Variants in SMCHD1 observed in about 807,000 individuals in gnomAD.
The protein encoded by SMCHD1 is structural maintenance of chromosomes flexible hinge domain-containing protein 1.
Under a neutral mutation model 254.7 loss-of-function variants are expected in SMCHD1, and 78 were observed. The observed-to-expected ratio is 0.31, with a 90% CI of 0.26 to 0.37. The LOEUF is 0.37. Ranked by LOEUF, SMCHD1 falls within the 10% of genes least tolerant of loss-of-function variation. SMCHD1 has a pLI of 1.00. For synonymous variants in SMCHD1, 766 were observed against 794.9 expected (o/e 0.96, Z 0.61); for missense variants, 1,840 against 2,408.1 (o/e 0.76, Z 4.94).
At chr18:2,717,953 C>A (rs2074839344) in intron 17 of SMCHD1, among the ~76,000 whole-genome samples, 1 of 151,660 alleles carries the variant, frequency 6.6e-6, no homozygotes, top group East Asian at 1.9e-4. Flanking sequence ...GTTTATAAGA[C>A]TTGAAATAAA....
rs375251871 is a variant in SMCHD1 at position 2,728,521 on chromosome 18, T to C, written c.2838T>C (p.Ala946=). The C allele has an allele frequency of 5.7e-5, 92 of 1,613,180 alleles. No homozygotes were observed. The African/African-American group carries it at 1.1e-3, about 19-fold the overall frequency. The change falls in exon 23 of 48, where the codon GCT becomes GCC. Residue 946 remains alanine (A), a synonymous_variant. Coordinates refer to ENST00000320876, the MANE Select transcript of SMCHD1 (RefSeq NM_015295.3). ...TTTTAGTTATAGAAAATGGAACAGCTTTCCCATTTCAGGTGGAAGTTTTAG... is the reference window on the plus strand; with the variant it reads ...TTTTAGTTATAGAAAATGGAACAGCCTTCCCATTTCAGGTGGAAGTTTTAG... ...SEILVIENGT[A]FPFQVEVLDE...
chr18:2,796,948 T>C (rs1405447734), intron 47 of SMCHD1: 1 of 152,546 alleles, frequency 6.6e-6, no homozygotes. Flanking sequence ...AGAATTAATA[T>C]TTTAAATTAA....
intron 37 of SMCHD1, among the ~76,000 whole-genome samples, chr18:2,766,010 T>TTTTTTTTTTCTTTTTTTTTG (rs58532877): frequency 7.1e-6 from 1 of 140,382 alleles, no homozygotes; most frequent in Non-Finnish European, 1.6e-5. Context: ...TCTTTTTTTT[T>TTTTTTTTTTCTTTTTTTTTG]GGAGACAGAG....
At chr18:2,664,275 A>T (rs1476459265) in intron 1 of SMCHD1, among the ~76,000 whole-genome samples, 2 of 152,080 alleles carry the variant, frequency 1.3e-5, no homozygotes, top group East Asian at 3.9e-4. Flanking sequence ...CCCTGTCCAT[A>T]TTGAGTTCTC....
chr18:2,688,947 A>G (rs1172181207), intron 7 of SMCHD1, among the ~76,000 whole-genome samples, 200 bp downstream of exon 7: 1 of 152,150 alleles, frequency 6.6e-6, no homozygotes, highest in Non-Finnish European at 1.5e-5. Context: ...AATTGCTTGT[A>G]GGATTGTAAG....
At chr18:2,787,281 A>G (rs184955050) in intron 45 of SMCHD1, among the ~76,000 whole-genome samples, 1 of 152,296 alleles carries the variant, frequency 6.6e-6, no homozygotes, top group East Asian at 1.9e-4. Flanking sequence ...GCACTAATCT[A>G]TTCATGAGGG....
rs769517982 is a variant in SMCHD1 at position 2,745,137 on chromosome 18, C to CCGG, written c.3801+1211_3801+1213dup. The stretch of plus-strand genomic sequence containing the variant: ...GGATGACAGGCATGAGCCACTGCAC[C>CCGG]CGGCCAGGACTTTTAACTGTTGATG... On this transcript the variant is annotated intron_variant, in intron 29 of 47. Transcript: ENST00000320876. 1.1e-4 allele frequency among the ~76,000 whole-genome samples: 17 copies of CCGG among 152,206 alleles called. 1 individual carries two copies. In the South Asian group the frequency reaches 3.5e-3, roughly 32 times the overall value.
chr18:2,775,963 A>G (rs768284771), intron 42 of SMCHD1, 39 bp downstream of exon 42: 3 of 1,473,012 alleles, frequency 2.0e-6, no homozygotes, highest in Non-Finnish European at 2.7e-6. Flanking sequence ...TCTGAAATAT[A>G]TTTTCTGTTT....
chr18:2,777,531 TCTTTC>T (rs2076088072), intron 42 of SMCHD1, among the ~76,000 whole-genome samples: 1 of 152,104 alleles, frequency 6.6e-6, no homozygotes, highest in African/African-American at 2.4e-5. Flanking sequence ...CTTCTTTTTT[TCTTTC>T]CTTGTCAAAT....
intron 5 of SMCHD1, among the ~76,000 whole-genome samples, chr18:2,681,412 CAA>C (rs11448086): frequency 8.7e-5 from 9 of 103,966 alleles, no homozygotes; most frequent in African/African-American, 1.4e-4. Context: ...GACCCCATCT[CAA>C]AAAAAAAAAA....
intron 37 of SMCHD1, among the ~76,000 whole-genome samples, chr18:2,768,738 A>C (rs1276689174): frequency 8.5e-6 from 1 of 117,802 alleles, no homozygotes; most frequent in Non-Finnish European, 2.0e-5. Context: ...ATTGGCATCT[A>C]TACATTCACA....
At chr18:2,738,264 T>C (rs1598387812) in intron 25 of SMCHD1, 133 bp from the exon 26 acceptor site, 1 of 754,404 alleles carries the variant, frequency 1.3e-6, no homozygotes, top group Non-Finnish European at 2.0e-6. Flanking sequence ...CCACACCGTT[T>C]CTGACCATAA....
At chr18:2,711,421 CCATGCTTG>C (rs969938558) in intron 17 of SMCHD1, among the ~76,000 whole-genome samples, 36 of 151,796 alleles carry the variant, frequency 2.4e-4, no homozygotes, top group African/African-American at 8.5e-4. Flanking sequence ...ATTTGTTGAG[CCATGCTTG>C]CATTCCAAGA....
chr18:2,662,160 C>T (rs537026925), intron 1 of SMCHD1, among the ~76,000 whole-genome samples: 15 of 96,986 alleles, frequency 1.5e-4, no homozygotes, highest in African/African-American at 5.4e-4. Context: ...AGCGAGACTC[C>T]GTCTCAAAAA....
At chr18:2,705,011 A>G (rs578102613) in intron 13 of SMCHD1, among the ~76,000 whole-genome samples, 1 of 152,288 alleles carries the variant, frequency 6.6e-6, no homozygotes, top group South Asian at 2.1e-4. Context: ...AGGAGTGATC[A>G]GTTTAGTCAA....
At chr18:2,766,642 C>G (rs770671806) in intron 37 of SMCHD1, among the ~76,000 whole-genome samples, 136 of 152,148 alleles carry the variant, frequency 8.9e-4, no homozygotes, top group Non-Finnish European at 1.2e-3. Context: ...CACATTATTG[C>G]TTTGTTTAAA....
intron 25 of SMCHD1, among the ~76,000 whole-genome samples, chr18:2,736,185 CG>C (rs1378292622): frequency 6.6e-6 from 1 of 152,032 alleles, no homozygotes; most frequent in Non-Finnish European, 1.5e-5. Context: ...TAAATGGTGC[CG>C]GGATAACTGG....
At chr18:2,763,554 AT>A in intron 36 of SMCHD1, 82 bp from the exon 37 acceptor site, 1 of 1,113,740 alleles carries the variant, frequency 9.0e-7, no homozygotes, top group Non-Finnish European at 1.2e-6. Context: ...GGCTCTCTGT[AT>A]TATTTCTGAT....
At chr18:2,717,609 T>G (rs1298822888) in intron 17 of SMCHD1, among the ~76,000 whole-genome samples, 2 of 152,182 alleles carry the variant, frequency 1.3e-5, no homozygotes, top group Admixed American at 1.3e-4. Context: ...GCCACCACGC[T>G]GGGCCTGTTA....
Sources: allele counts gnomAD v4.1 joint callset (sites outside exome capture counted in the v4.1 genomes callset), GRCh38; gene constraint gnomAD v4.1.1; transcripts MANE v1.5; gene names NCBI Gene and HGNC (gene_info 2026-07-23, HGNC 2026-07-21).